The following CASQ2 variants were observed in gnomAD, a reference collection of about 807,000 sequenced individuals.
The protein encoded by CASQ2 is calsequestrin 2.
CASQ2 carries 49 observed loss-of-function variants against 46.5 expected under a neutral mutation model. The observed-to-expected ratio is 1.05, with a 90% confidence interval of 0.84 to 1.34. CASQ2 has a LOEUF of 1.34. CASQ2 is among the 40% of genes most tolerant of loss of function. CASQ2 has a pLI of 0.00. For synonymous variants in CASQ2, 174 were observed against 168.5 expected (o/e 1.03, Z -0.25); for missense variants, 486 against 481.3 (o/e 1.01, Z -0.09).
At chr1:115,742,768 CTGTTTGTT>C (rs35672650) in intron 2 of CASQ2, among the ~76,000 whole-genome samples, 24,307 of 150,328 alleles carry the variant, frequency 0.16, 2,406 homozygotes, top group African/African-American at 0.27. Context: ...ACTCATTAAA[CTGTTTGTT>C]TGTTTGTTTG....
intron 1 of CASQ2, among the ~76,000 whole-genome samples, chr1:115,752,799 C>T (rs1345572053): frequency 1.3e-5 from 2 of 152,204 alleles, no homozygotes; most frequent in South Asian, 2.1e-4. Flanking sequence ...GATCTGAGTG[C>T]GTAGAGCAGA....
rs1365467820 is a variant in CASQ2, at chr1:115,745,479, G to A, written c.235-567C>T. Among the ~76,000 whole-genome samples, 3 of 152,118 alleles carry A rather than the reference G, an allele frequency of 2.0e-5. No homozygotes were observed. The East Asian group carries it at 5.8e-4, about 29-fold the overall frequency. ...AGACTAGTAGAGTATCGGGGGTCAG[G>A]GGTTCGGCTCCAAAGGCCAAGAGGA... On this transcript the variant is annotated intron_variant, in intron 1 of 10. Transcript: ENST00000261448.
chr1:115,718,180 C>A (rs1055869442), intron 7 of CASQ2, among the ~76,000 whole-genome samples: 2 of 152,172 alleles, frequency 1.3e-5, no homozygotes, highest in Non-Finnish European at 2.9e-5. Context: ...ACTAAATGAG[C>A]CTCACTCCTG....
At chr1:115,706,666 G>A (rs1024179201) in intron 8 of CASQ2, among the ~76,000 whole-genome samples, 2 of 152,174 alleles carry the variant, frequency 1.3e-5, no homozygotes, top group Admixed American at 1.3e-4. Flanking sequence ...AAATTTATAC[G>A]TTGAATACAA....
chr1:115,738,088 G>C, intron 4 of CASQ2, 136 bp downstream of exon 4: 1 of 735,758 alleles, frequency 1.4e-6, no homozygotes, highest in Non-Finnish European at 2.5e-6. Flanking sequence ...ACTGTGTTAG[G>C]CTCAGGAAGA....
intron 10 of CASQ2, 76 bp from the exon 11 acceptor site, chr1:115,701,502 A>G (rs999104913): frequency 1.4e-4 from 129 of 928,746 alleles, no homozygotes; most frequent in Non-Finnish European, 3.4e-5. Flanking sequence ...CGTGCTGAAT[A>G]GCTATGCTGA....
At chr1:115,745,002 G>A (rs72554055) in intron 1 of CASQ2, 90 bp from the exon 2 acceptor site, 15 of 935,372 alleles carry the variant, frequency 1.6e-5, no homozygotes, top group Non-Finnish European at 2.6e-5. Flanking sequence ...ATCAATGGAA[G>A]GGTTTCCTCT....
rs148817853 is a variant in CASQ2, at chr1:115,749,402, G to A, written c.235-4490C>T. Among the ~76,000 whole-genome samples the A allele has an allele frequency of 1.6e-3, 239 of 152,198 alleles. No homozygotes were observed. The East Asian group carries it at 0.022, about 14-fold the overall frequency. On this transcript the variant is annotated intron_variant, in intron 1 of 10. Coordinates refer to ENST00000261448, the MANE Select transcript of CASQ2 (RefSeq NM_001232.4). ...GGGAGGTGCTATCTCAAATGAACTC[G>A]ATTCTTTTTTCCCGATTCCCTGGTT...
intron 4 of CASQ2, among the ~76,000 whole-genome samples, chr1:115,736,233 A>G (rs1366249375): frequency 1.3e-5 from 2 of 152,098 alleles, no homozygotes; most frequent in Non-Finnish European, 2.9e-5. Context: ...CACATATACA[A>G]GTGAAGTCTC....
chr1:115,747,944 T>C (rs988057986), intron 1 of CASQ2, among the ~76,000 whole-genome samples: 2 of 152,192 alleles, frequency 1.3e-5, no homozygotes, highest in East Asian at 3.8e-4. Flanking sequence ...TTTCTTTATC[T>C]TTACTTACTG....
At chr1:115,717,199 A>G (rs1654728137) in intron 8 of CASQ2, among the ~76,000 whole-genome samples, 1 of 152,186 alleles carries the variant, frequency 6.6e-6, no homozygotes, top group African/African-American at 2.4e-5. Flanking sequence ...GAGCCAATAG[A>G]AGCTCTTTTC....
At chr1:115,749,116 T>C (rs989127916) in intron 1 of CASQ2, among the ~76,000 whole-genome samples, 1 of 152,242 alleles carries the variant, frequency 6.6e-6, no homozygotes, top group Non-Finnish European at 1.5e-5. Flanking sequence ...CTCTTCTAAC[T>C]GCTGGGCTCT....
chr1:115,733,468 G>C (rs768494234), intron 4 of CASQ2, among the ~76,000 whole-genome samples: 1 of 152,178 alleles, frequency 6.6e-6, no homozygotes, highest in Non-Finnish European at 1.5e-5. Flanking sequence ...AAGTACTCCT[G>C]TTGCTGAATT....
At chr1:115,730,401 T>C (rs989218207) in intron 5 of CASQ2, among the ~76,000 whole-genome samples, 5 of 152,216 alleles carry the variant, frequency 3.3e-5, no homozygotes, top group Admixed American at 3.3e-4. Flanking sequence ...ACAATAAACT[T>C]TAAATTCTAA....
Position 115,721,295 on chromosome 1 carries a change from T to C in CASQ2, c.784-3401A>G, listed in dbSNP as rs1287516986. On this transcript the variant is annotated intron_variant, in intron 7 of 10. Transcript: ENST00000261448. ...TCCAGGGGGAATGACAGATCAGCAC[T>C]GGGTCTCCTTTTGCCCTGCCTCAGC... 1.3e-5 allele frequency among the ~76,000 whole-genome samples: 2 copies of C among 152,164 alleles called. 1 individual carries two copies. The highest frequency in any genetic ancestry group is 2.9e-5 in the Non-Finnish European group (2 of 68,034).
At chr1:115,716,867 A>T (rs1427620145) in intron 8 of CASQ2, among the ~76,000 whole-genome samples, 1 of 152,174 alleles carries the variant, frequency 6.6e-6, no homozygotes, top group East Asian at 1.9e-4. Context: ...ACATGGTGAG[A>T]TTAAAAGTGA....
intron 4 of CASQ2, among the ~76,000 whole-genome samples, chr1:115,735,435 A>G (rs543069863): frequency 6.6e-6 from 1 of 152,372 alleles, no homozygotes; most frequent in Admixed American, 6.5e-5. Flanking sequence ...TGGCTTCAAA[A>G]AAGGCTAGAT....
chr1:115,712,830 T>A (rs545449288), intron 8 of CASQ2, among the ~76,000 whole-genome samples: 92 of 139,474 alleles, frequency 6.6e-4, no homozygotes, highest in African/African-American at 2.4e-3. Context: ...CACTCCAGCC[T>A]GAGCAATAGA....
At chr1:115,748,752 AT>A (rs1648472275) in intron 1 of CASQ2, among the ~76,000 whole-genome samples, 1 of 152,136 alleles carries the variant, frequency 6.6e-6, no homozygotes, top group Admixed American at 6.5e-5. Flanking sequence ...CCTGTGTTCT[AT>A]TTAGTGCTGT....
Sources: allele counts gnomAD v4.1 joint callset (sites outside exome capture counted in the v4.1 genomes callset), GRCh38; gene constraint gnomAD v4.1.1; transcripts MANE v1.5; gene names NCBI Gene and HGNC (gene_info 2026-07-23, HGNC 2026-07-21).